Variants in MYO5B observed in about 807,000 individuals in gnomAD.
MYO5B encodes the protein unconventional myosin-Vb.
In MYO5B, 143 loss-of-function variants were observed where a neutral mutation model predicts 229.3. The observed-to-expected ratio is 0.62, with a 90% CI of 0.54 to 0.72. The LOEUF (loss-of-function observed/expected upper bound fraction) is 0.72, where lower values mean the gene tolerates loss of function less well. Ranked by LOEUF, MYO5B falls within the 30% of genes least tolerant of loss-of-function variation. The probability of loss-of-function intolerance (pLI) is 0.00; values close to 1 mark genes in which losing one functional copy is unlikely to be tolerated. For synonymous variants in MYO5B, 918 were observed against 885.2 expected (o/e 1.04, Z -0.66); for missense variants, 2,321 against 2,331.0 (o/e 1.00, Z 0.09).
At chr18:49,882,837 T>A (rs2024603312) in intron 22 of MYO5B, among the ~76,000 whole-genome samples, 1 of 152,158 alleles carries the variant, frequency 6.6e-6, no homozygotes, top group Non-Finnish European at 1.5e-5. Flanking sequence ...CAGTATCTAC[T>A]CTTTACAAAT....
chr18:49,986,900 C>A (rs140381720), intron 7 of MYO5B, among the ~76,000 whole-genome samples: 4 of 152,240 alleles, frequency 2.6e-5, no homozygotes, highest in African/African-American at 7.2e-5. Context: ...TACTTGATTA[C>A]CCTATTGTAG....
chr18:49,978,343 G>A (rs2025775861), intron 9 of MYO5B, among the ~76,000 whole-genome samples: 1 of 152,144 alleles, frequency 6.6e-6, no homozygotes, highest in Non-Finnish European at 1.5e-5. Flanking sequence ...TTCTCCGGAG[G>A]CTGGGTGTGG....
At chr18:50,046,671 G>C (rs2030235666) in intron 2 of MYO5B, among the ~76,000 whole-genome samples, 1 of 152,102 alleles carries the variant, frequency 6.6e-6, no homozygotes, top group South Asian at 2.1e-4. Flanking sequence ...GTGGCTCTAG[G>C]TTCATTTAAC....
At position 49,843,342 on chromosome 18, in the gene MYO5B, T is replaced by C. The variant is rs762237662; in HGVS notation, c.4510A>G (p.Ile1504Val). Residue 1504 changes from isoleucine (I) to valine (V), a missense_variant, in exon 34 of 40, where the codon ATC becomes GTC. Physicochemically the swap from Ile to Val is conservative, Grantham distance 29 (BLOSUM62 3). Around this residue, in one of 2 missense-constraint regions of MYO5B, gnomAD observed 2,113 missense variants for 2,044.7 expected, o/e 1.03. Transcript: ENST00000285039. Reference protein sequence around the residue: ...SGTVPCLPAYILYMCIRHADY... With the variant: ...SGTVPCLPAYVLYMCIRHADY... ...GCGTGCCGGATGCACATGTAGAGGA[T>C]GTAGGCGGGGAGACAGGGCACTGTG... 1 of 1,614,094 alleles carries C rather than the reference T, an allele frequency of 6.2e-7. No homozygotes were observed.
At chr18:50,175,445 G>A (rs971674303) in intron 1 of MYO5B, among the ~76,000 whole-genome samples, 1 of 152,188 alleles carries the variant, frequency 6.6e-6, no homozygotes, top group Admixed American at 6.5e-5. Context: ...ATTTTCTACT[G>A]AATCAGTAAA....
At chr18:49,936,716 C>A (rs988191223) in intron 15 of MYO5B, among the ~76,000 whole-genome samples, 3 of 152,194 alleles carry the variant, frequency 2.0e-5, no homozygotes, top group Admixed American at 1.3e-4. Context: ...GGGACCCTGA[C>A]ATCCGATGCC....
chr18:50,070,650 A>T (rs143060816), intron 1 of MYO5B, among the ~76,000 whole-genome samples: 120 of 152,218 alleles, frequency 7.9e-4, no homozygotes, highest in East Asian at 7.7e-3. Context: ...CTCAAAAACA[A>T]AAACACCTCA....
chr18:50,038,722 A>T (rs1298981095), intron 3 of MYO5B, among the ~76,000 whole-genome samples: 1 of 152,172 alleles, frequency 6.6e-6, no homozygotes. Flanking sequence ...AGGAGTCAAG[A>T]TGCATTTGGA....
At chr18:50,015,133 G>A (rs572676339) in intron 4 of MYO5B, among the ~76,000 whole-genome samples, 29 of 152,318 alleles carry the variant, frequency 1.9e-4, no homozygotes, top group African/African-American at 6.5e-4. Flanking sequence ...GGGTTCACGG[G>A]ACAGGGATCA....
intron 22 of MYO5B, among the ~76,000 whole-genome samples, chr18:49,887,029 G>T (rs556612790): frequency 6.6e-6 from 1 of 152,222 alleles, no homozygotes; most frequent in East Asian, 1.9e-4. Flanking sequence ...GAGGTGACTG[G>T]GTCATGGGGG....
intron 9 of MYO5B, among the ~76,000 whole-genome samples, chr18:49,975,856 T>C (rs1215606848): frequency 6.6e-6 from 1 of 152,192 alleles, no homozygotes; most frequent in Admixed American, 6.5e-5. Flanking sequence ...CTGCCTCTAC[T>C]GACTATGTGT....
intron 22 of MYO5B, among the ~76,000 whole-genome samples, chr18:49,892,556 C>T (rs765798945): frequency 7.2e-5 from 11 of 152,204 alleles, no homozygotes; most frequent in African/African-American, 2.2e-4. Flanking sequence ...TCATCAATCT[C>T]GCTCAAAGCA....
intron 21 of MYO5B, among the ~76,000 whole-genome samples, chr18:49,901,455 G>C (rs2024840736): frequency 1.3e-5 from 2 of 152,204 alleles, no homozygotes; most frequent in South Asian, 4.1e-4. Context: ...TTACCCCTTT[G>C]ATTGGCTGAC....
intron 17 of MYO5B, among the ~76,000 whole-genome samples, chr18:49,928,529 A>C (rs2025154813): frequency 6.6e-6 from 1 of 152,232 alleles, no homozygotes. Context: ...CTGTAGTCCC[A>C]GCTACACAGG....
intron 29 of MYO5B, among the ~76,000 whole-genome samples, chr18:49,861,799 T>C (rs2024332957): frequency 6.6e-6 from 1 of 152,170 alleles, no homozygotes; most frequent in Admixed American, 6.5e-5. Context: ...TGAAAAGATC[T>C]GGGAATCAAA....
chr18:49,928,865 G>T (rs547142264), intron 17 of MYO5B, among the ~76,000 whole-genome samples: 1 of 152,264 alleles, frequency 6.6e-6, no homozygotes, highest in African/African-American at 2.4e-5. Context: ...AGTAACTCAG[G>T]AATGGAAAAC....
Position 49,833,949 on chromosome 18 carries a change from CTG to C in MYO5B, c.5394+1393_5394+1394del, listed in dbSNP as rs1451549818. ...TGCGGCCTGTGTCTTTAACAATCGA[CTG>C]TGTTTCTGTCATTGCCCTTAGGAGA... On this transcript the variant is annotated intron_variant, in intron 39 of 39. Coordinates refer to ENST00000285039, the MANE Select transcript of MYO5B (RefSeq NM_001080467.3). Among the ~76,000 whole-genome samples the C allele has an allele frequency of 5.3e-5, 8 of 152,202 alleles. 1 individual carries two copies. The highest frequency in any genetic ancestry group is 1.9e-4 in the African/African-American group (8 of 41,448).
intron 1 of MYO5B, among the ~76,000 whole-genome samples, chr18:50,075,269 G>C (rs1457668675): frequency 6.6e-6 from 1 of 152,124 alleles, no homozygotes; most frequent in South Asian, 2.1e-4. Context: ...TGGAAGACTG[G>C]AGAGACTTCA....
At chr18:50,075,043 G>A (rs1568096496) in intron 1 of MYO5B, among the ~76,000 whole-genome samples, 1 of 152,152 alleles carries the variant, frequency 6.6e-6, no homozygotes, top group Non-Finnish European at 1.5e-5. Context: ...TGATCTGCCT[G>A]CCTTGGCCTC....
Sources: allele counts gnomAD v4.1 joint callset (sites outside exome capture counted in the v4.1 genomes callset), GRCh38; gene constraint gnomAD v4.1.1; regional missense constraint gnomAD v4.1.1; transcripts MANE v1.5; gene names NCBI Gene and HGNC (gene_info 2026-07-23, HGNC 2026-07-21).